DGLUCY: variants seen among roughly 807,000 people sequenced by gnomAD.
DGLUCY encodes D-glutamate cyclase, mitochondrial.
In DGLUCY, 58 loss-of-function variants were observed where a neutral mutation model predicts 58.5. That is an observed-to-expected ratio of 0.99 (90% CI 0.80 to 1.23). DGLUCY has a LOEUF of 1.23. Among genes scored for constraint, DGLUCY ranks in the 50% most tolerant of loss-of-function variants. DGLUCY has a pLI of 0.00. For missense variants in DGLUCY, 779 were observed against 784.7 expected (o/e 0.99, Z 0.09); for synonymous variants, 325 against 314.1 (o/e 1.03, Z -0.37).
intron 3 of DGLUCY, 51 bp from the exon 4 acceptor site, chr14:91,167,174 C>T (rs1037602495): frequency 6.6e-7 from 1 of 1,524,548 alleles, no homozygotes; most frequent in South Asian, 1.3e-5. Flanking sequence ...CAGTAAGTGT[C>T]TGCCAAGAAA....
In DGLUCY at chr14:91,169,427, G is replaced by A. The variant is rs184834175; in HGVS notation, c.258-576G>A. ...TTCTTCTTTTTTTTTTTTTTTCTTT[G>A]AGGCAGTCTCACTCTGTTGCCCAGG... On this transcript the variant is annotated intron_variant, in intron 4 of 13. Coordinates refer to ENST00000256324, the MANE Select transcript of DGLUCY (RefSeq NM_001102368.3). Among the ~76,000 whole-genome samples, 1,078 of 142,956 alleles carry A rather than the reference G, an allele frequency of 7.5e-3. 8 individuals carry two copies. Among genetic ancestry groups the A allele is most frequent in the Non-Finnish European group, 0.012 (756 of 65,604 alleles). 93.8% of individuals were successfully genotyped at this position (142,956 alleles called of 152,430 possible). A position where few individuals can be genotyped will look rare whatever the true frequency, so the allele number is the denominator to read the frequency against.
intron 1 of DGLUCY, among the ~76,000 whole-genome samples, chr14:91,129,700 G>A (rs2045926359): frequency 6.6e-6 from 1 of 151,432 alleles, no homozygotes; most frequent in Non-Finnish European, 1.5e-5. Context: ...AGGCTGGAGT[G>A]CAATGGCGCA....
chr14:91,215,743 C>A, intron 13 of DGLUCY, 187 bp downstream of exon 13: 1 of 1,472,380 alleles, frequency 6.8e-7, no homozygotes. Context: ...AGTTCTGAAT[C>A]GTGTGGCAGG....
intron 1 of DGLUCY, chr14:91,091,165 A>C (rs2044304780): frequency 6.6e-6 from 1 of 152,174 alleles, no homozygotes; most frequent in African/African-American, 2.4e-5. Flanking sequence ...AATACCATAC[A>C]ATACAATATA....
intron 7 of DGLUCY, among the ~76,000 whole-genome samples, chr14:91,180,182 G>A (rs1043370530): frequency 4.0e-5 from 6 of 151,662 alleles, no homozygotes; most frequent in Non-Finnish European, 8.8e-5. Context: ...GAGCCACTGC[G>A]CCCTGCCTGC....
chr14:91,095,706 ACT>A (rs918209893), intron 1 of DGLUCY, among the ~76,000 whole-genome samples: 50 of 152,052 alleles, frequency 3.3e-4, no homozygotes, highest in African/African-American at 1.2e-3. Flanking sequence ...GTGGAAGAAG[ACT>A]CTGCAAATGG....
intron 9 of DGLUCY, among the ~76,000 whole-genome samples, chr14:91,191,307 T>C (rs1248098600): frequency 6.6e-6 from 1 of 151,962 alleles, no homozygotes; most frequent in African/African-American, 2.4e-5. Context: ...GAGAGGGGAA[T>C]GGGGAGAGTT....
intron 1 of DGLUCY, among the ~76,000 whole-genome samples, chr14:91,093,109 G>A (rs537123673): frequency 6.9e-4 from 105 of 151,116 alleles, no homozygotes; most frequent in African/African-American, 2.3e-3. Context: ...AAGATAATTT[G>A]TGAAACAAAT....
chr14:91,159,771 C>T (rs966911235), intron 2 of DGLUCY, among the ~76,000 whole-genome samples: 4 of 152,130 alleles, frequency 2.6e-5, no homozygotes, highest in East Asian at 1.9e-4. Flanking sequence ...CTTGCGATTG[C>T]GGTGGTATTC....
At chr14:91,087,372 C>A (rs2044239623) in intron 1 of DGLUCY, among the ~76,000 whole-genome samples, 1 of 152,192 alleles carries the variant, frequency 6.6e-6, no homozygotes, top group Non-Finnish European at 1.5e-5. Flanking sequence ...AGACTTTCCT[C>A]CCCATCTAAT....
chr14:91,072,901 C>T (rs1053953115), intron 1 of DGLUCY, among the ~76,000 whole-genome samples: 2 of 152,122 alleles, frequency 1.3e-5, no homozygotes, highest in East Asian at 1.9e-4. Context: ...CCCAGCTACT[C>T]GGGAGGCTGA....
At chr14:91,171,633 G>C (rs1425168133) in intron 5 of DGLUCY, among the ~76,000 whole-genome samples, 1 of 152,248 alleles carries the variant, frequency 6.6e-6, no homozygotes, top group African/African-American at 2.4e-5. Context: ...CCGCCAGGGT[G>C]GTGATAGCAA....
At chr14:91,070,040 G>C (rs569270046) in intron 1 of DGLUCY, among the ~76,000 whole-genome samples, 2 of 152,182 alleles carry the variant, frequency 1.3e-5, no homozygotes, top group East Asian at 3.9e-4. Flanking sequence ...TAGTATAGGT[G>C]ATCTACAGAT....
intron 8 of DGLUCY, among the ~76,000 whole-genome samples, chr14:91,184,805 C>T (rs192498426): frequency 6.6e-6 from 1 of 152,240 alleles, no homozygotes; most frequent in African/African-American, 2.4e-5. Context: ...TGTTTGTCTT[C>T]TGTTAGGTTG....
intron 1 of DGLUCY, among the ~76,000 whole-genome samples, chr14:91,154,268 G>A (rs1319540428): frequency 6.6e-6 from 1 of 152,174 alleles, no homozygotes; most frequent in African/African-American, 2.4e-5. Context: ...AGATTGATCA[G>A]CCTTTCACTG....
chr14:91,204,651 G>A, intron 11 of DGLUCY, 55 bp from the exon 12 acceptor site: 2 of 1,594,628 alleles, frequency 1.3e-6, no homozygotes, highest in Non-Finnish European at 1.7e-6. Flanking sequence ...CTTGCTTCAG[G>A]CCTCCCCCAT....
intron 1 of DGLUCY, among the ~76,000 whole-genome samples, chr14:91,077,338 G>GA (rs146152822): frequency 1.0e-4 from 15 of 145,106 alleles, no homozygotes; most frequent in Non-Finnish European, 2.1e-4. Context: ...GAGAGGCAGA[G>GA]AAAAAAAGAA....
chr14:91,196,398 A>T lies in DGLUCY; in HGVS notation c.1219A>T (p.Ile407Leu). The T allele has an allele frequency of 9.9e-6, 16 of 1,614,096 alleles. No homozygotes were observed. Among genetic ancestry groups the T allele is most frequent in the Non-Finnish European group, 1.4e-5 (16 of 1,180,006 alleles). Residue 407 changes from isoleucine to leucine, a missense_variant, in exon 10 of 14, where the codon ATA (isoleucine) becomes TTA (leucine). Ile to Leu is a conservative substitution (Grantham distance 5). Transcript: ENST00000256324. ...EQGVLKTQIP[I>L]LTYQGGSVEA... ...AGGTGTTCTGAAGACGCAGATCCCGATATTAACTTACCAAGGTGGATCAGT... is the reference window on the plus strand; with the variant it reads ...AGGTGTTCTGAAGACGCAGATCCCGTTATTAACTTACCAAGGTGGATCAGT...
chr14:91,121,513 A>G (rs2045356831), intron 1 of DGLUCY, among the ~76,000 whole-genome samples: 1 of 151,996 alleles, frequency 6.6e-6, no homozygotes, highest in African/African-American at 2.4e-5. Context: ...ACATGGTGAA[A>G]CCCTATCTCT....
Sources: allele counts gnomAD v4.1 joint callset (sites outside exome capture counted in the v4.1 genomes callset), GRCh38; gene constraint gnomAD v4.1.1; transcripts MANE v1.5; gene names NCBI Gene and HGNC (gene_info 2026-07-23, HGNC 2026-07-21).